The following NPAT variants were observed in gnomAD, a reference collection of about 807,000 sequenced individuals.
NPAT encodes nuclear protein, coactivator of histone transcription.
Under a neutral mutation model 130.7 loss-of-function variants are expected in NPAT, and 52 were observed. The ratio of observed to expected loss-of-function variants is 0.40; its 90% CI spans 0.32 to 0.50. The LOEUF (loss-of-function observed/expected upper bound fraction) is 0.50. Among genes scored for constraint, NPAT ranks in the 20% least tolerant of loss-of-function variants. The pLI is 0.68. For missense variants in NPAT, 1,687 were observed against 1,662.6 expected, an observed-to-expected ratio of 1.01 and a Z score of -0.26; for synonymous variants, 580 against 584.8, an observed-to-expected ratio of 0.99 and a Z score of 0.12.
chr11:108,199,741 T>C (rs1489649512), intron 1 of NPAT, among the ~76,000 whole-genome samples: 2 of 152,124 alleles, frequency 1.3e-5, no homozygotes, highest in African/African-American at 4.8e-5. Context: ...GTCTAGCCAA[T>C]GCATAGGATC....
chr11:108,219,626 A>G (rs2078465264), intron 1 of NPAT, among the ~76,000 whole-genome samples: 1 of 152,208 alleles, frequency 6.6e-6, no homozygotes, highest in South Asian at 2.1e-4. Context: ...CAAAAAACCA[A>G]GTAAGTTTCA....
chr11:108,162,233 G>A, intron 15 of NPAT, 53 bp from the exon 16 acceptor site: 6 of 1,493,458 alleles, frequency 4.0e-6, no homozygotes, highest in Non-Finnish European at 4.7e-6. Flanking sequence ...CTCTGAAAGA[G>A]GATAGAACAG....
intron 1 of NPAT, 147 bp downstream of exon 1, chr11:108,222,353 A>T (rs2078527824): frequency 1.2e-6 from 1 of 829,344 alleles, no homozygotes; most frequent in Admixed American, 2.0e-5. Flanking sequence ...GAACCTCCGA[A>T]TGACGAAGAA....
At chr11:108,212,945 CAAAAAAAAAAAAAAA>C (rs34466178) in intron 1 of NPAT, among the ~76,000 whole-genome samples, 2 of 36,418 alleles carry the variant, frequency 5.5e-5, no homozygotes, top group Admixed American at 8.5e-4. Flanking sequence ...GACTCTGTCT[CAAAAAAAAAAAAAAA>C]AAAAAAAAAA....
intron 10 of NPAT, among the ~76,000 whole-genome samples, chr11:108,180,962 C>T (rs1267307598): frequency 6.6e-6 from 1 of 152,148 alleles, no homozygotes; most frequent in Non-Finnish European, 1.5e-5. Flanking sequence ...TATGATTCTA[C>T]TTATGTGAGG....
chr11:108,178,409 C>T (rs114342513), intron 10 of NPAT, among the ~76,000 whole-genome samples: 1,576 of 152,038 alleles, frequency 0.01, 35 homozygotes, highest in African/African-American at 0.036. Flanking sequence ...AATTTTGCAC[C>T]TTATTATTAT....
In NPAT at chr11:108,165,472, A is replaced by ATATT. The variant is rs1555039325; in HGVS notation, c.3011-3293_3011-3292insAATA. ...TGTATTTATATATATATATATATAT[A>ATATT]TTTTTTTTTTGTGATAGGGTCTTGC... On this transcript the variant is annotated intron_variant, in intron 15 of 17. Coordinates refer to ENST00000278612, the MANE Select transcript of NPAT (RefSeq NM_002519.3). Among the ~76,000 whole-genome samples the ATATT allele has an allele frequency of 7.0e-3, 914 of 129,728 alleles. 8 individuals carry two copies. The highest frequency in any genetic ancestry group is 0.022 in the African/African-American group (750 of 33,772). The allele number at this position is 129,728 out of a possible 152,430, so 85.1% of individuals were successfully genotyped here. A position where few individuals can be genotyped will look rare whatever the true frequency, so the allele number is the denominator to read the frequency against.
At position 108,172,902 on chromosome 11, in the gene NPAT, A is replaced by C. The variant is rs1400488516; in HGVS notation, c.2082T>G (p.Pro694=). 1.2e-6 allele frequency: 2 copies of C among 1,614,172 alleles called. No homozygotes were observed. The highest frequency in any genetic ancestry group is 1.7e-6 in the Non-Finnish European group (2 of 1,180,030). The change falls in exon 13 of 18, where the codon CCT becomes CCG. Residue 694 remains proline (P), a synonymous_variant. Coordinates refer to ENST00000278612, the MANE Select transcript of NPAT (RefSeq NM_002519.3). The part of the protein sequence containing the change: ...KVALTPPEGT[P]VENSHSLPPE... The stretch of plus-strand genomic sequence containing the variant: ...GAGGAAGAGAGTGACTGTTTTCTAC[A>C]GGAGTGCCTTCTGGAGGCGTCAGTG...
At chr11:108,197,112 A>G (rs965555759) in intron 2 of NPAT, among the ~76,000 whole-genome samples, 190 bp downstream of exon 2, 1 of 152,236 alleles carries the variant, frequency 6.6e-6, no homozygotes, top group Non-Finnish European at 1.5e-5. Flanking sequence ...GTTGTAATTC[A>G]TTTAATAGTT....
chr11:108,222,475 C>T (rs763320013), intron 1 of NPAT, 25 bp downstream of exon 1: 2 of 1,613,028 alleles, frequency 1.2e-6, no homozygotes, highest in Non-Finnish European at 1.7e-6. Flanking sequence ...GGTCCAATAA[C>T]CCTCCATCCC....
chr11:108,198,916 C>G (rs2078249155), intron 1 of NPAT, among the ~76,000 whole-genome samples: 1 of 152,226 alleles, frequency 6.6e-6, no homozygotes, highest in Non-Finnish European at 1.5e-5. Context: ...ATCTCAGAAC[C>G]TGCTGAATGG....
intron 1 of NPAT, among the ~76,000 whole-genome samples, chr11:108,212,882 G>A (rs1019147722): frequency 6.1e-5 from 9 of 148,046 alleles, no homozygotes; most frequent in African/African-American, 2.2e-4. Flanking sequence ...GGAGGTGGAG[G>A]TTGCAATGAG....
chr11:108,185,549 A>C, intron 8 of NPAT, 55 bp from the exon 9 acceptor site: 1 of 1,146,216 alleles, frequency 8.7e-7, no homozygotes. Flanking sequence ...TCTGCTATTT[A>C]ATATTTATAA....
chr11:108,159,305 T>C (rs982992185), intron 17 of NPAT, among the ~76,000 whole-genome samples: 2 of 152,228 alleles, frequency 1.3e-5, no homozygotes, highest in Admixed American at 1.3e-4. Context: ...ATGCTTTCTA[T>C]GTTAGGTGGT....
In NPAT at chr11:108,173,099, G is replaced by C; in HGVS notation, c.1885C>G (p.Leu629Val). 1.2e-6 allele frequency: 2 copies of C among 1,614,050 alleles called. No individual in the cohort carries two copies. The highest frequency in any genetic ancestry group is 2.2e-5 in the South Asian group (2 of 91,082). ...TTAGATGGTTGTTTAGTAGAAGACA[G>C]CGAATCTCCAAGATGAATTTCTACT... ...GQVEIHLGDS[L>V]SSTKQPSNDS... is the part of the protein sequence containing the mutation. The change falls in exon 13 of 18, where the codon CTG (leucine) becomes GTG (valine). Residue 629 changes from leucine (L) to valine (V), a missense_variant. Transcript: ENST00000278612.
intron 1 of NPAT, among the ~76,000 whole-genome samples, chr11:108,217,025 T>C (rs1326675148): frequency 6.6e-6 from 1 of 152,180 alleles, no homozygotes; most frequent in Non-Finnish European, 1.5e-5. Flanking sequence ...AAAAAATCAA[T>C]TTCTGGCTGA....
At chr11:108,208,313 A>C in intron 1 of NPAT, 1 of 338,196 alleles carries the variant, frequency 3.0e-6, no homozygotes, top group South Asian at 2.1e-5. Flanking sequence ...TCAATCCACA[A>C]AAAGATAACA....
intron 7 of NPAT, among the ~76,000 whole-genome samples, chr11:108,187,360 G>A (rs1282414098): frequency 6.6e-6 from 1 of 152,154 alleles, no homozygotes; most frequent in African/African-American, 2.4e-5. Flanking sequence ...GCTAAGGTGG[G>A]AGGATCTTCT....
chr11:108,169,158 T>C (rs1288376227), intron 15 of NPAT, among the ~76,000 whole-genome samples: 1 of 152,100 alleles, frequency 6.6e-6, no homozygotes, highest in African/African-American at 2.4e-5. Context: ...GAAAATGTGT[T>C]TTAAGAGTGA....
Sources: allele counts gnomAD v4.1 joint callset (sites outside exome capture counted in the v4.1 genomes callset), GRCh38; gene constraint gnomAD v4.1.1; transcripts MANE v1.5; gene names NCBI Gene and HGNC (gene_info 2026-07-23, HGNC 2026-07-21).